NSMF: variants seen among roughly 807,000 people sequenced by gnomAD.
The protein encoded by NSMF is nasal embryonic LHRH factor.
In NSMF, 31 loss-of-function variants were observed where a neutral mutation model predicts 71.0. The observed-to-expected ratio is 0.44, with a 90% CI of 0.33 to 0.59. NSMF has a LOEUF of 0.59. Among genes scored for constraint, NSMF ranks in the 20% least tolerant of loss-of-function variants. NSMF has a pLI of 0.04. For missense variants in NSMF, 673 were observed against 740.5 expected, an observed-to-expected ratio of 0.91 and a Z score of 1.06; for synonymous variants, 345 against 287.1, an observed-to-expected ratio of 1.20 and a Z score of -2.04.
chr9:137,452,541 T>C lies in NSMF; in HGVS notation c.1165+12A>G. ...CTGGAACCAGCAGAGAGAAGGCCAA[T>C]GAGGCACATACCAAGGATGTCCTCG... is the stretch of plus-strand genomic sequence containing the variant. On this transcript the variant is annotated intron_variant, in intron 11 of 15. Transcript: ENST00000371475. The C allele has an allele frequency of 6.2e-7, 1 of 1,612,552 alleles. No individual in the cohort carries two copies. The highest frequency in any genetic ancestry group is 1.1e-5 in the South Asian group (1 of 91,074).
chr9:137,450,131 C>A, intron 13 of NSMF, 45 bp downstream of exon 13: 1 of 1,593,620 alleles, frequency 6.3e-7, no homozygotes, highest in Non-Finnish European at 8.6e-7. Context: ...AGGGCCTGGA[C>A]TCTGCCTCCA....
In NSMF at chr9:137,453,713, C is replaced by T; in HGVS notation, c.922+18G>A. 1.9e-6 allele frequency: 3 copies of T among 1,586,362 alleles called. No homozygotes were observed. The highest frequency in any genetic ancestry group is 8.6e-7 in the Non-Finnish European group (1 of 1,168,570). On this transcript the variant is annotated intron_variant, in intron 8 of 15. Coordinates refer to ENST00000371475, the MANE Select transcript of NSMF (RefSeq NM_001130969.3). The surrounding 1 kb of genome is among the most constrained non-coding windows in gnomAD (Gnocchi z 4.5). ...GGAGGCTCTGGGGAAGGTGGGCGGG[C>T]CTGTGCGGGGCACCTACTGTCTCGG... is the stretch of plus-strand genomic sequence containing the variant.
intron 12 of NSMF, 48 bp from the exon 13 acceptor site, chr9:137,450,303 C>A (rs774205145): frequency 6.7e-7 from 1 of 1,482,620 alleles, no homozygotes; most frequent in Non-Finnish European, 9.4e-7. Flanking sequence ...CTCCCCCTCT[C>A]CGACACACAT....
intron 14 of NSMF, 56 bp from the exon 15 acceptor site, chr9:137,449,730 G>T: frequency 6.7e-7 from 1 of 1,495,270 alleles, no homozygotes; most frequent in South Asian, 1.2e-5. Flanking sequence ...AGGAGGAGCG[G>T]GGAGGAGATG....
In NSMF at chr9:137,453,899, A is replaced by G. The variant is rs956980459; in HGVS notation, c.833-79T>C. 2 of 1,239,282 alleles carry G rather than the reference A, an allele frequency of 1.6e-6. No individual in the cohort carries two copies. Among genetic ancestry groups the G allele is most frequent in the Non-Finnish European group, 2.3e-6 (2 of 879,104 alleles). The allele number at this position is 1,239,282 out of a possible 1,614,324, so 76.8% of individuals were successfully genotyped here. On this transcript the variant is annotated intron_variant, in intron 7 of 15. Transcript: ENST00000371475. The surrounding 1 kb of genome is among the most constrained non-coding windows in gnomAD (Gnocchi z 4.5). ...CTCAGACCCCAGGCGAGGGGACCAC[A>G]GGGGCCCTGGGCAGAGGAGGAAGCT... is the stretch of plus-strand genomic sequence containing the variant.
At position 137,449,934 on chromosome 9, in the gene NSMF, T is replaced by G; in HGVS notation, c.1408A>C (p.Asn470His). 3 of 1,612,870 alleles carry G rather than the reference T, an allele frequency of 1.9e-6. No homozygotes were observed. Among genetic ancestry groups the G allele is most frequent in the Non-Finnish European group, 2.5e-6 (3 of 1,179,690 alleles). ...GGGGGTCACTGTACCTTCTCTCCATTGGGGTTCCCCAGAATGTAGCAGCCC... is the reference window on the plus strand; with the variant it reads ...GGGGGTCACTGTACCTTCTCTCCATGGGGGTTCCCCAGAATGTAGCAGCCC... ...IMGCYILGNP[N>H]GEKLFQNLRT... The change falls in exon 14 of 16, where the codon AAT (asparagine) becomes CAT (histidine). Residue 470 changes from asparagine (N) to histidine (H), a missense_variant. Physicochemically the swap from Asn to His is moderately conservative, Grantham distance 68 (BLOSUM62 1). Coordinates refer to ENST00000371475, the MANE Select transcript of NSMF (RefSeq NM_001130969.3).
Position 137,453,319 on chromosome 9 carries a change from G to A in NSMF, c.923-139C>T. 5 of 1,232,722 alleles carry A rather than the reference G, an allele frequency of 4.1e-6. No homozygotes were observed. The highest frequency in any genetic ancestry group is 1.5e-5 in the African/African-American group (1 of 66,864). The allele number at this position is 1,232,722 out of a possible 1,614,324, so 76.4% of individuals were successfully genotyped here. On this transcript the variant is annotated intron_variant, in intron 8 of 15. Transcript: ENST00000371475. This position sits in a 1 kb window ranked among gnomAD's most constrained non-coding sequence, Gnocchi z 4.5. ...GTGGGAGGACCATACAGAGGTCGCCGCCAGCCCGGCAGGACAGGCCTGTGG... is the reference window on the plus strand; with the variant it reads ...GTGGGAGGACCATACAGAGGTCGCCACCAGCCCGGCAGGACAGGCCTGTGG...
At chr9:137,455,921 T>G (rs1001853864) in intron 4 of NSMF, among the ~76,000 whole-genome samples, 1 of 152,230 alleles carries the variant, frequency 6.6e-6, no homozygotes, top group African/African-American at 2.4e-5. Flanking sequence ...AGGACACTTC[T>G]TTGGTGTGGG....
At position 137,449,312 on chromosome 9, in the gene NSMF, C is replaced by T; in HGVS notation, c.*82G>A. 8.4e-7 allele frequency: 1 copy of T among 1,197,564 alleles called. No individual in the cohort carries two copies. The highest frequency in any genetic ancestry group is 1.2e-6 in the Non-Finnish European group (1 of 819,166). 74.2% of individuals were successfully genotyped at this position (1,197,564 alleles called of 1,614,324 possible). ...CAGGCGAGACCGGAGCCACACAGTC[C>T]CGGGGAGCACGAGGCGGCCCAGCCC... On this transcript the variant is annotated 3_prime_UTR_variant, in exon 16 of 16. Transcript: ENST00000371475.
At position 137,456,386 on chromosome 9, in the gene NSMF, C is replaced by T. The variant is rs1298539769; in HGVS notation, c.704+25G>A. The T allele has an allele frequency of 5.6e-6, 9 of 1,593,218 alleles. No homozygotes were observed. The African/African-American group carries it at 9.4e-5, about 17-fold the overall frequency. On this transcript the variant is annotated intron_variant, in intron 4 of 15. Coordinates refer to ENST00000371475, the MANE Select transcript of NSMF (RefSeq NM_001130969.3). ...CAGAAAGAGACCACCCAACCCTGAC[C>T]CCAAGTCGTGGGCACAAGACTCACG...
chr9:137,449,993 T>G lies in NSMF; in HGVS notation c.1349A>C (p.Lys450Thr), dbSNP rs763064326. 6.2e-7 allele frequency: 1 copy of G among 1,613,188 alleles called. No homozygotes were observed. Among genetic ancestry groups the G allele is most frequent in the African/African-American group, 1.3e-5 (1 of 75,030 alleles). Residue 450 changes from lysine to threonine, a missense_variant, in exon 14 of 16, where the codon AAA (lysine) becomes ACA (threonine). Around this residue, in one of 2 missense-constraint regions of NSMF, gnomAD observed 202 missense variants for 280.8 expected, o/e 0.72. Transcript: ENST00000371475. ...FWKRLSRLMS[K>T]VNPEPNVIHI... ...GATGACGTTCGGCTCTGGGTTCACT[T>G]TGCTCATCAGGCGGCTCAGCCGCTT...
At position 137,449,167 on chromosome 9, in the gene NSMF, G is replaced by T; in HGVS notation, c.*227C>A. The T allele has an allele frequency of 1.7e-6, 1 of 592,638 alleles. No individual in the cohort carries two copies. Among genetic ancestry groups the T allele is most frequent in the Non-Finnish European group, 3.0e-6 (1 of 330,992 alleles). The allele number at this position is 592,638 out of a possible 1,614,324, so 36.7% of individuals were successfully genotyped here. A position where few individuals can be genotyped will look rare whatever the true frequency, so the allele number is the denominator to read the frequency against. On this transcript the variant is annotated 3_prime_UTR_variant, in exon 16 of 16. Transcript: ENST00000371475. The stretch of plus-strand genomic sequence containing the variant: ...AGTGCCTGGCCGCTGAGCATCCACG[G>T]GCCACAGGGCGGGATCCTCCCGGCC...
intron 13 of NSMF, 49 bp from the exon 14 acceptor site, chr9:137,450,074 T>G: frequency 6.3e-7 from 1 of 1,592,490 alleles, no homozygotes; most frequent in Non-Finnish European, 8.6e-7. Flanking sequence ...GGCACCCCAC[T>G]CCACAGAGCG....
chr9:137,457,188 G>A lies in NSMF; in HGVS notation c.628+219C>T, dbSNP rs148117685. Among the ~76,000 whole-genome samples the A allele has an allele frequency of 7.0e-3, 1,060 of 152,316 alleles. 7 individuals are homozygous for A. Among genetic ancestry groups the A allele is most frequent in the African/African-American group, 0.025 (1,022 of 41,554 alleles). ...GGTGCTAGCAGGGCGAAAGCGGACT[G>A]TGAGGCCTGGCAGATTTTGCTGAGG... On this transcript the variant is annotated intron_variant, in intron 3 of 15. Coordinates refer to ENST00000371475, the MANE Select transcript of NSMF (RefSeq NM_001130969.3).
chr9:137,455,710 C>T (rs976915548), intron 4 of NSMF, 76 bp from the exon 5 acceptor site: 8 of 1,491,180 alleles, frequency 5.4e-6, no homozygotes, highest in South Asian at 2.4e-5. Context: ...CCTCAGCCCC[C>T]ACCCGGTCCC....
chr9:137,458,000 C>T (rs1830932797), intron 2 of NSMF, 99 bp from the exon 3 acceptor site: 4 of 1,508,004 alleles, frequency 2.7e-6, no homozygotes, highest in Non-Finnish European at 3.6e-6. Context: ...GGGCACCTGG[C>T]CTCTGTGGGG....
rs1234455567 is a variant in NSMF, at chr9:137,447,617, T to C, written c.*1777A>G. 2 of 150,168 alleles carry C rather than the reference T, an allele frequency of 1.3e-5. No individual in the cohort carries two copies. Among genetic ancestry groups the C allele is most frequent in the Non-Finnish European group, 3.0e-5 (2 of 67,634 alleles). The allele number at this position is 150,168 out of a possible 1,614,324, so 9.3% of individuals were successfully genotyped here. ...ATACACTCAAATTGGCACCAAAACC[T>C]GCCCCCTCCCGGGACCCCATCTAGA... On this transcript the variant is annotated 3_prime_UTR_variant, in exon 16 of 16. Coordinates refer to ENST00000371475, the MANE Select transcript of NSMF (RefSeq NM_001130969.3).
rs1204194029 is a variant in NSMF at position 137,450,250 on chromosome 9, A to G, written c.1242T>C (p.Gly414=). 4 of 1,612,464 alleles carry G rather than the reference A, an allele frequency of 2.5e-6. No homozygotes were observed. The highest frequency in any genetic ancestry group is 3.4e-6 in the Non-Finnish European group (4 of 1,179,488). ...TCTTGAGGAGATAGAGGTGTCCAGG[A>G]CCTCCCTGTAAGAAGCTGTGGTCAG... is the stretch of plus-strand genomic sequence containing the variant. ...IWKMLIFCQG[G]PGHLYLLKNK... Residue 414 remains glycine, a synonymous_variant, in exon 13 of 16, where the codon GGT becomes GGC. Transcript: ENST00000371475.
intron 4 of NSMF, among the ~76,000 whole-genome samples, 155 bp from the exon 5 acceptor site, chr9:137,455,789 G>A (rs1830802959): frequency 2.0e-5 from 3 of 152,232 alleles, no homozygotes; most frequent in Admixed American, 6.5e-5. Flanking sequence ...CAGGATGCTG[G>A]CTACACTGCT....
Sources: gnomAD v4.1 joint callset for allele counts (sites outside exome capture counted in the v4.1 genomes callset) on GRCh38, gnomAD v4.1.1 for gene constraint, gnomAD v4.1.1 regional missense constraint, Gnocchi (gnomAD v3.1) non-coding constraint, MANE v1.5 for transcripts, NCBI Gene and HGNC (gene_info 2026-07-23, HGNC 2026-07-21) for gene names.